The following LRP2 variants were observed in gnomAD, a reference collection of about 807,000 sequenced individuals.
The protein encoded by LRP2 is low-density lipoprotein receptor-related protein 2.
LRP2 carries 172 observed loss-of-function variants against 531.0 expected under a neutral mutation model. The ratio of observed to expected loss-of-function variants is 0.32; its 90% CI spans 0.29 to 0.37. LRP2 has a LOEUF of 0.37. Ranked by LOEUF, LRP2 falls within the 10% of genes least tolerant of loss-of-function variation. The pLI, the probability that LRP2 is intolerant of heterozygous loss-of-function variation, is 1.00. For missense variants in LRP2, 5,167 were observed against 5,868.3 expected, an observed-to-expected ratio of 0.88 and a Z score of 3.90; for synonymous variants, 1,992 against 2,027.6, an observed-to-expected ratio of 0.98 and a Z score of 0.47.
chr2:169,362,525 C>T lies in LRP2; in HGVS notation c.-126G>A. ...CTGCACCTCCGCCAGCTCCTAGTGG[C>T]CAAAAGCCTGCCCCCACGCCCGAGG... On this transcript the variant is annotated 5_prime_UTR_variant, in exon 1 of 79. Coordinates refer to ENST00000649046, the MANE Select transcript of LRP2 (RefSeq NM_004525.3). The T allele has an allele frequency of 1.2e-6, 1 of 838,306 alleles. No homozygotes were observed. Among genetic ancestry groups the T allele is most frequent in the Non-Finnish European group, 1.9e-6 (1 of 516,796 alleles). 51.9% of individuals were successfully genotyped at this position (838,306 alleles called of 1,614,324 possible).
chr2:169,199,008 C>T (rs1688098712), intron 44 of LRP2, 97 bp from the exon 45 acceptor site: 5 of 1,310,722 alleles, frequency 3.8e-6, no homozygotes, highest in African/African-American at 1.5e-5. Context: ...GAACTCAAAC[C>T]ACTGGAAGGG....
At chr2:169,211,339 C>A (rs890015725) in intron 37 of LRP2, among the ~76,000 whole-genome samples, 7 of 152,100 alleles carry the variant, frequency 4.6e-5, no homozygotes, top group Non-Finnish European at 1.0e-4. Context: ...CTAAGGTATA[C>A]CTAAAAACCT....
intron 11 of LRP2, among the ~76,000 whole-genome samples, chr2:169,279,945 G>C (rs754707096): frequency 1.3e-5 from 2 of 152,126 alleles, no homozygotes; most frequent in African/African-American, 4.8e-5. Context: ...TTTGTTACTC[G>C]ATCCCGAATT....
intron 1 of LRP2, among the ~76,000 whole-genome samples, chr2:169,356,449 T>C (rs1006422653): frequency 6.6e-6 from 1 of 152,274 alleles, no homozygotes; most frequent in African/African-American, 2.4e-5. Flanking sequence ...GAAATCTATA[T>C]GAGACTTCAC....
At position 169,243,040 on chromosome 2, in the gene LRP2, C is replaced by A. The variant is rs1335715763; in HGVS notation, c.3583G>T (p.Ala1195Ser). The A allele has an allele frequency of 6.2e-7, 1 of 1,614,042 alleles. No individual in the cohort carries two copies. Among genetic ancestry groups the A allele is most frequent in the East Asian group, 2.2e-5 (1 of 44,880 alleles). The change falls in exon 24 of 79, where the codon GCC (alanine) becomes TCC (serine). Residue 1195 changes from alanine to serine, a missense_variant. By Grantham distance (99) the Ala-to-Ser change is moderately conservative. Transcript: ENST00000649046. ...LNCTASQFKCASGDKCIGVTN... is the reference protein window; with the variant it reads ...LNCTASQFKCSSGDKCIGVTN... ...ACGCCAATACATTTATCCCCACTGG[C>A]ACACTTGAATTGAGAAGCAGTACAG...
At position 169,216,434 on chromosome 2, in the gene LRP2, C is replaced by CA; in HGVS notation, c.5649-5dup. 6.2e-7 allele frequency: 1 copy of CA among 1,613,266 alleles called. No individual in the cohort carries two copies. The highest frequency in any genetic ancestry group is 8.5e-7 in the Non-Finnish European group (1 of 1,179,452). On this transcript the variant is annotated splice_region_variant and splice_polypyrimidine_tract_variant and intron_variant, in intron 34 of 78. Coordinates refer to ENST00000649046, the MANE Select transcript of LRP2 (RefSeq NM_004525.3). ...TTGGTCTGACCAGTACAGCTTCCTA[C>CA]AACCATGAAAAACACCAGCATGTAA... is the stretch of plus-strand genomic sequence containing the variant.
chr2:169,310,852 C>G (rs1311068535), intron 3 of LRP2, among the ~76,000 whole-genome samples: 1 of 152,022 alleles, frequency 6.6e-6, no homozygotes, highest in Admixed American at 6.6e-5. Context: ...TGGTTGGTAG[C>G]CTCTTAATTA....
intron 33 of LRP2, among the ~76,000 whole-genome samples, chr2:169,222,207 G>T (rs1206038240): frequency 6.6e-6 from 1 of 152,106 alleles, no homozygotes; most frequent in Non-Finnish European, 1.5e-5. Flanking sequence ...TTTGCCCTTG[G>T]ATCATTATTC....
At chr2:169,313,097 C>T (rs1245094625) in intron 3 of LRP2, among the ~76,000 whole-genome samples, 1 of 152,140 alleles carries the variant, frequency 6.6e-6, no homozygotes, top group African/African-American at 2.4e-5. Flanking sequence ...TCTAGTTAGC[C>T]ATTCATCTAA....
chr2:169,151,482 T>G (rs1574074798), intron 67 of LRP2, among the ~76,000 whole-genome samples: 1 of 152,128 alleles, frequency 6.6e-6, no homozygotes, highest in Non-Finnish European at 1.5e-5. Flanking sequence ...GTGGGGCTGG[T>G]GCCTTAACTC....
intron 50 of LRP2, among the ~76,000 whole-genome samples, chr2:169,184,928 T>G (rs1408136640): frequency 6.6e-6 from 1 of 152,168 alleles, no homozygotes; most frequent in Non-Finnish European, 1.5e-5. Flanking sequence ...TCCTGGCTAA[T>G]TTTTTTCATT....
At chr2:169,134,749 C>A (rs1685432409) in intron 76 of LRP2, among the ~76,000 whole-genome samples, 1 of 152,128 alleles carries the variant, frequency 6.6e-6, no homozygotes, top group Non-Finnish European at 1.5e-5. Flanking sequence ...CACCACCATG[C>A]AAGAGGTTTC....
chr2:169,323,561 C>T (rs1331710542), intron 1 of LRP2, among the ~76,000 whole-genome samples: 1 of 151,582 alleles, frequency 6.6e-6, no homozygotes, highest in Non-Finnish European at 1.5e-5. Flanking sequence ...AATAAGTAGC[C>T]TTTACTCACA....
chr2:169,232,948 C>T (rs1354548054), intron 30 of LRP2, among the ~76,000 whole-genome samples: 2 of 152,156 alleles, frequency 1.3e-5, no homozygotes, highest in African/African-American at 4.8e-5. Flanking sequence ...GTACGGATGC[C>T]AAGTCTTTCA....
At chr2:169,321,969 T>A (rs763038411) in intron 1 of LRP2, among the ~76,000 whole-genome samples, 1 of 152,182 alleles carries the variant, frequency 6.6e-6, no homozygotes, top group Non-Finnish European at 1.5e-5. Flanking sequence ...ATGTGCCACA[T>A]AGAAAAATTT....
At chr2:169,219,944 T>C (rs1394692265) in intron 34 of LRP2, among the ~76,000 whole-genome samples, 4 of 152,102 alleles carry the variant, frequency 2.6e-5, no homozygotes, top group Non-Finnish European at 5.9e-5. Flanking sequence ...TCCCATGTGG[T>C]CAACAGCTCC....
intron 9 of LRP2, 130 bp downstream of exon 9, chr2:169,288,896 T>G: frequency 7.1e-7 from 1 of 1,407,116 alleles, no homozygotes. Flanking sequence ...TTCTGTGAGG[T>G]CTGGGTTGCT....
At chr2:169,326,985 GC>G (rs1426658694) in intron 1 of LRP2, among the ~76,000 whole-genome samples, 3 of 88,836 alleles carry the variant, frequency 3.4e-5, no homozygotes, top group African/African-American at 1.5e-4. Flanking sequence ...CCCAGCATCC[GC>G]CCCATCTGAG....
intron 76 of LRP2, among the ~76,000 whole-genome samples, chr2:169,135,809 A>G (rs147788280): frequency 0.018 from 2,810 of 152,130 alleles, 72 homozygotes; most frequent in African/African-American, 0.064. Context: ...CTGCACCCCA[A>G]AAAACTTGTC....
Sources: allele counts gnomAD v4.1 joint callset (sites outside exome capture counted in the v4.1 genomes callset), GRCh38; gene constraint gnomAD v4.1.1; transcripts MANE v1.5; gene names NCBI Gene and HGNC (gene_info 2026-07-23, HGNC 2026-07-21).